Variants in CBFA2T2 observed in about 807,000 individuals in gnomAD.
CBFA2T2 encodes the protein protein CBFA2T2.
CBFA2T2 carries 11 observed loss-of-function variants against 62.2 expected under a neutral mutation model. The ratio of observed to expected loss-of-function variants is 0.18; its 90% CI spans 0.11 to 0.29. The LOEUF (loss-of-function observed/expected upper bound fraction) is 0.29, where lower values mean the gene tolerates loss of function less well. CBFA2T2 is among the 10% of genes least tolerant of loss of function. The pLI, the probability that CBFA2T2 is intolerant of heterozygous loss-of-function variation, is 1.00. For synonymous variants in CBFA2T2, 295 were observed against 287.5 expected (o/e 1.03, Z -0.27); for missense variants, 592 against 774.1 (o/e 0.76, Z 2.79).
chr20:33,525,078 C>T (rs2011847765), intron 1 of CBFA2T2, among the ~76,000 whole-genome samples: 1 of 152,032 alleles, frequency 6.6e-6, no homozygotes, highest in Non-Finnish European at 1.5e-5. Flanking sequence ...TCAAGTGATC[C>T]ACCTGCCTTG....
chr20:33,582,679 C>A (rs1036088792), intron 1 of CBFA2T2, among the ~76,000 whole-genome samples: 20 of 152,200 alleles, frequency 1.3e-4, no homozygotes, highest in African/African-American at 4.8e-4. Flanking sequence ...CGGTGACTCA[C>A]ACCTGTAATC....
intron 1 of CBFA2T2, among the ~76,000 whole-genome samples, chr20:33,532,275 T>C (rs532112868): frequency 1.3e-5 from 2 of 152,330 alleles, no homozygotes; most frequent in East Asian, 3.9e-4. Context: ...TGTTCAAGTA[T>C]GGTTTTGAGA....
intron 3 of CBFA2T2, among the ~76,000 whole-genome samples, chr20:33,617,137 A>G (rs375887471): frequency 7.2e-5 from 11 of 152,206 alleles, no homozygotes; most frequent in Admixed American, 5.9e-4. Context: ...TTGGGAGGCC[A>G]AGGTGGGCGG....
chr20:33,643,371 G>T (rs548266494), intron 10 of CBFA2T2, among the ~76,000 whole-genome samples: 6 of 152,140 alleles, frequency 3.9e-5, no homozygotes, highest in Admixed American at 3.9e-4. Context: ...AGGCCAGGAG[G>T]TCAAGACCAG....
intron 5 of CBFA2T2, 75 bp downstream of exon 5, chr20:33,623,371 G>T: frequency 1.2e-5 from 18 of 1,531,786 alleles, no homozygotes; most frequent in Non-Finnish European, 1.5e-5. Context: ...AAAAGAGAGA[G>T]AATTTGATTG....
intron 1 of CBFA2T2, among the ~76,000 whole-genome samples, chr20:33,495,796 T>G (rs2011193651): frequency 6.6e-6 from 1 of 152,210 alleles, no homozygotes. Context: ...CCTAACAAGT[T>G]TTGAGACTTC....
rs760442543 is a variant in CBFA2T2, at chr20:33,644,382, A to G, written c.1524A>G (p.Thr508=). 6.8e-6 allele frequency: 11 copies of G among 1,613,560 alleles called. No individual in the cohort carries two copies. In the African/African-American group the frequency reaches 1.5e-4, roughly 22 times the overall value. The change falls in exon 11 of 11, where the codon ACA becomes ACG. Residue 508 remains threonine (T), a synonymous_variant. Coordinates refer to ENST00000342704, the MANE Select transcript of CBFA2T2 (RefSeq NM_001032999.3). ...ACTGTGGCCGCAAAGCCAGCGAGAC[A>G]TGCAGTGGCTGCAATATCGCGCGAT... ...CWNCGRKASE[T]CSGCNIARYC... is the part of the protein sequence containing the mutation.
intron 1 of CBFA2T2, among the ~76,000 whole-genome samples, chr20:33,560,129 G>A (rs990695771): frequency 1.3e-5 from 2 of 152,168 alleles, no homozygotes; most frequent in Non-Finnish European, 2.9e-5. Flanking sequence ...CGATGGTAGT[G>A]GCTTGGTGTC....
At chr20:33,533,261 T>C (rs1330051990) in intron 1 of CBFA2T2, among the ~76,000 whole-genome samples, 1 of 152,220 alleles carries the variant, frequency 6.6e-6, no homozygotes, top group Non-Finnish European at 1.5e-5. Context: ...AAAGTATCCT[T>C]GTGCCCATTG....
At chr20:33,513,813 C>T (rs1305596145) in intron 1 of CBFA2T2, among the ~76,000 whole-genome samples, 1 of 36,968 alleles carries the variant, frequency 2.7e-5, no homozygotes, top group East Asian at 1.0e-3. Flanking sequence ...GACTCTGTCC[C>T]AGGAAAAAAA....
At chr20:33,496,140 G>T (rs2011197498) in intron 1 of CBFA2T2, among the ~76,000 whole-genome samples, 1 of 152,194 alleles carries the variant, frequency 6.6e-6, no homozygotes, top group Admixed American at 6.6e-5. Context: ...CTAAAGGGGT[G>T]ACATTAAACC....
intron 1 of CBFA2T2, among the ~76,000 whole-genome samples, chr20:33,504,403 CTTTTTTTTTT>C (rs533648842): frequency 7.7e-5 from 9 of 117,552 alleles, no homozygotes; most frequent in Non-Finnish European, 1.4e-4. Flanking sequence ...TCATATTTAA[CTTTTTTTTTT>C]TTTTTTTTTT....
intron 1 of CBFA2T2, among the ~76,000 whole-genome samples, chr20:33,512,201 T>TGGCGGTGTGCA (rs759248906): frequency 6.6e-6 from 1 of 150,972 alleles, no homozygotes; most frequent in Non-Finnish European, 1.5e-5. Context: ...TAGCCGGGCA[T>TGGCGGTGTGCA]GGCGGTGTGC....
chr20:33,603,389 T>C (rs984443210), intron 1 of CBFA2T2, among the ~76,000 whole-genome samples: 1 of 152,262 alleles, frequency 6.6e-6, no homozygotes, highest in Admixed American at 6.5e-5. Flanking sequence ...TCAAGTTCTT[T>C]GGCTTCCCAT....
At chr20:33,619,337 G>GT (rs373645629) in intron 3 of CBFA2T2, among the ~76,000 whole-genome samples, 180 bp from the exon 4 acceptor site, 19 of 152,202 alleles carry the variant, frequency 1.2e-4, no homozygotes, top group African/African-American at 4.1e-4. Flanking sequence ...ATCACAGGAG[G>GT]TGGAGGTTAC....
chr20:33,569,064 T>C (rs150588819), intron 1 of CBFA2T2, among the ~76,000 whole-genome samples: 1 of 152,312 alleles, frequency 6.6e-6, no homozygotes, highest in East Asian at 1.9e-4. Context: ...AGTAAAGCTT[T>C]TAGACTTTGG....
chr20:33,545,598 C>T (rs752003508), intron 1 of CBFA2T2, among the ~76,000 whole-genome samples: 7 of 152,198 alleles, frequency 4.6e-5, no homozygotes, highest in Non-Finnish European at 1.0e-4. Flanking sequence ...AGGCACATGC[C>T]GCCATGCCTG....
intron 1 of CBFA2T2, among the ~76,000 whole-genome samples, chr20:33,541,451 A>G (rs534637828): frequency 2.0e-5 from 3 of 152,370 alleles, no homozygotes; most frequent in Non-Finnish European, 2.9e-5. Context: ...GACGAGTCGT[A>G]TAACTGAGTA....
At chr20:33,495,886 G>T (rs2011194493) in intron 1 of CBFA2T2, among the ~76,000 whole-genome samples, 1 of 152,014 alleles carries the variant, frequency 6.6e-6, no homozygotes, top group Non-Finnish European at 1.5e-5. Flanking sequence ...CCATTTGCAG[G>T]TTTATTATGA....
Sources: allele counts gnomAD v4.1 joint callset (sites outside exome capture counted in the v4.1 genomes callset), GRCh38; gene constraint gnomAD v4.1.1; transcripts MANE v1.5; gene names NCBI Gene and HGNC (gene_info 2026-07-23, HGNC 2026-07-21).